NXN: variants seen among roughly 807,000 people sequenced by gnomAD.
The protein encoded by NXN is nucleoredoxin, also known as nucleoredoxin 1.
NXN carries 16 observed loss-of-function variants against 48.6 expected under a neutral mutation model. The ratio of observed to expected loss-of-function variants is 0.33; its 90% CI spans 0.22 to 0.50. The LOEUF is 0.50. Ranked by LOEUF, NXN falls within the 20% of genes least tolerant of loss-of-function variation. NXN has a pLI of 0.98. For missense variants in NXN, 492 were observed against 605.5 expected, an observed-to-expected ratio of 0.81 and a Z score of 1.97; for synonymous variants, 281 against 269.6, an observed-to-expected ratio of 1.04 and a Z score of -0.41.
intron 5 of NXN, among the ~76,000 whole-genome samples, chr17:812,625 AGTGTAGGT>A (rs1912147242): frequency 1.4e-5 from 2 of 147,834 alleles, no homozygotes; most frequent in Admixed American, 1.3e-4. Flanking sequence ...AGTGTAGGTG[AGTGTAGGT>A]GTGTGTGAGT....
At chr17:810,906 CA>C (rs1383786138) in intron 5 of NXN, among the ~76,000 whole-genome samples, 1 of 152,064 alleles carries the variant, frequency 6.6e-6, no homozygotes, top group Non-Finnish European at 1.5e-5. Flanking sequence ...AAAAATTAGA[CA>C]AAACACATAA....
intron 1 of NXN, among the ~76,000 whole-genome samples, chr17:957,123 C>T (rs904196950): frequency 1.4e-5 from 2 of 144,782 alleles, no homozygotes; most frequent in Non-Finnish European, 3.1e-5. Flanking sequence ...AGGGGCCTGG[C>T]GGAGCTGAGA....
intron 6 of NXN, among the ~76,000 whole-genome samples, chr17:804,450 G>A (rs555435718): frequency 4.6e-5 from 7 of 151,986 alleles, no homozygotes; most frequent in South Asian, 4.2e-4. Flanking sequence ...ACCCAGGCTC[G>A]TACAGTGATT....
At chr17:811,281 A>C (rs1318455095) in intron 5 of NXN, among the ~76,000 whole-genome samples, 3 of 152,210 alleles carry the variant, frequency 2.0e-5, no homozygotes, top group Admixed American at 1.3e-4. Context: ...GCCCTCCCTG[A>C]AGGTTGGGCC....
chr17:888,163 A>C (rs1413249875), intron 1 of NXN, among the ~76,000 whole-genome samples: 1 of 144,694 alleles, frequency 6.9e-6, no homozygotes, highest in Non-Finnish European at 1.5e-5. Context: ...TCATGCAATA[A>C]AAAGGAAAAT....
At chr17:805,883 G>T (rs542861288) in intron 5 of NXN, among the ~76,000 whole-genome samples, 2 of 151,996 alleles carry the variant, frequency 1.3e-5, no homozygotes, top group South Asian at 4.1e-4. Context: ...GGGTCATGGC[G>T]CATCGGAGCA....
intron 1 of NXN, among the ~76,000 whole-genome samples, chr17:844,830 G>A (rs1321983115): frequency 6.6e-5 from 10 of 151,968 alleles, no homozygotes; most frequent in East Asian, 3.9e-4. Flanking sequence ...TGATCTGCCC[G>A]CCTCGGCCTC....
chr17:841,585 CCGGCGAGCAGGTCCCCCCGA>C (rs1914282579), intron 1 of NXN, among the ~76,000 whole-genome samples: 8 of 127,662 alleles, frequency 6.3e-5, no homozygotes, highest in South Asian at 2.5e-4. Flanking sequence ...GCATCTCACG[CCGGCGAGCAGGTCCCCCCGA>C]CCACAGAGCA....
At chr17:815,461 G>A (rs1160771876) in intron 5 of NXN, among the ~76,000 whole-genome samples, 1 of 147,994 alleles carries the variant, frequency 6.8e-6, no homozygotes, top group Admixed American at 6.7e-5. Flanking sequence ...TTTTGAAGGC[G>A]ATGAGGCACT....
intron 1 of NXN, among the ~76,000 whole-genome samples, chr17:972,900 G>A (rs371674807): frequency 4.6e-5 from 7 of 151,526 alleles, no homozygotes; most frequent in African/African-American, 1.7e-4. Flanking sequence ...GGGTGGTGAC[G>A]GGCCCCTGTA....
chr17:876,326 T>G (rs1263553647), intron 1 of NXN, among the ~76,000 whole-genome samples: 2 of 151,872 alleles, frequency 1.3e-5, no homozygotes, highest in Non-Finnish European at 2.9e-5. Flanking sequence ...ACTAAGACAC[T>G]CAATCTCACA....
intron 1 of NXN, among the ~76,000 whole-genome samples, chr17:939,569 C>T (rs1384776713): frequency 6.6e-6 from 1 of 152,168 alleles, no homozygotes; most frequent in Non-Finnish European, 1.5e-5. Flanking sequence ...TGGTCTCAAA[C>T]TCCTGACCTC....
intron 1 of NXN, among the ~76,000 whole-genome samples, chr17:842,208 C>T (rs1337302541): frequency 6.6e-6 from 1 of 152,190 alleles, no homozygotes; most frequent in Non-Finnish European, 1.5e-5. Context: ...TTAAACCCGC[C>T]ACTTCATCAA....
At chr17:815,043 G>T (rs534858051) in intron 5 of NXN, among the ~76,000 whole-genome samples, 22 of 152,240 alleles carry the variant, frequency 1.4e-4, no homozygotes, top group Admixed American at 9.2e-4. Context: ...AGGGATTACA[G>T]GCGTGAGCCA....
At position 830,491 on chromosome 17, in the gene NXN, G is replaced by A. The variant is rs114927981; in HGVS notation, c.361-4413C>T. 8.8e-3 allele frequency among the ~76,000 whole-genome samples: 1,347 copies of A among 152,272 alleles called. 16 individuals are homozygous for A. Among genetic ancestry groups the A allele is most frequent in the African/African-American group, 0.03 (1,247 of 41,558 alleles). ...GGGCACAGACCTCAGCAAGGAAATGGAACAAGCCACAGGCACGCCGCGGGA... is the reference window on the plus strand; with the variant it reads ...GGGCACAGACCTCAGCAAGGAAATGAAACAAGCCACAGGCACGCCGCGGGA... On this transcript the variant is annotated intron_variant, in intron 1 of 7. Transcript: ENST00000336868. This position sits in a 1 kb window ranked among gnomAD's most constrained non-coding sequence, Gnocchi z 4.2.
At chr17:853,667 T>G (rs2067949293) in intron 1 of NXN, among the ~76,000 whole-genome samples, 1 of 150,086 alleles carries the variant, frequency 6.7e-6, no homozygotes, top group Non-Finnish European at 1.5e-5. Flanking sequence ...CTAGTACTCT[T>G]CCTTTACAGT....
intron 6 of NXN, 53 bp downstream of exon 6, chr17:805,015 T>C: frequency 1.3e-6 from 2 of 1,514,706 alleles, no homozygotes; most frequent in Non-Finnish European, 1.8e-6. Context: ...GTGAGGCCCC[T>C]CCTGTCCCGC....
chr17:812,707 T>C (rs1390525410), intron 5 of NXN, among the ~76,000 whole-genome samples: 1 of 150,522 alleles, frequency 6.6e-6, no homozygotes, highest in African/African-American at 2.5e-5. Context: ...TGTAGGTGTT[T>C]GCATGTGAGT....
intron 1 of NXN, among the ~76,000 whole-genome samples, chr17:881,080 G>C (rs1170906602): frequency 6.6e-6 from 1 of 152,122 alleles, no homozygotes; most frequent in Non-Finnish European, 1.5e-5. Context: ...AAGTAGATAG[G>C]TGGACAGCCA....
Sources: gnomAD v4.1 joint callset for allele counts (sites outside exome capture counted in the v4.1 genomes callset) on GRCh38, gnomAD v4.1.1 for gene constraint, Gnocchi (gnomAD v3.1) non-coding constraint, MANE v1.5 for transcripts, NCBI Gene and HGNC (gene_info 2026-07-23, HGNC 2026-07-21) for gene names.